CCNT2: variants seen among roughly 807,000 people sequenced by gnomAD.
CCNT2 encodes cyclin T2, also known as cyclin-T2.
In CCNT2, 18 loss-of-function variants were observed where a neutral mutation model predicts 70.0. The ratio of observed to expected loss-of-function variants is 0.26; its 90% CI spans 0.18 to 0.38. The LOEUF (loss-of-function observed/expected upper bound fraction) is 0.38, where lower values mean the gene tolerates loss of function less well. CCNT2 is among the 10% of genes least tolerant of loss of function. The pLI, the probability that CCNT2 is intolerant of heterozygous loss-of-function variation, is 1.00. For missense variants in CCNT2, 734 were observed against 890.2 expected, an observed-to-expected ratio of 0.82 and a Z score of 2.23; for synonymous variants, 334 against 313.3, an observed-to-expected ratio of 1.07 and a Z score of -0.70.
At chr2:134,942,826 A>G (rs1681671483) in intron 5 of CCNT2, 152 bp downstream of exon 5, 1 of 1,386,244 alleles carries the variant, frequency 7.2e-7, no homozygotes, top group Admixed American at 3.1e-5. Flanking sequence ...TTAGTGTTCT[A>G]CATCTACTTC....
intron 5 of CCNT2, chr2:134,945,120 C>T (rs534850643): frequency 2.0e-6 from 2 of 985,414 alleles, no homozygotes; most frequent in South Asian, 9.4e-5. Context: ...GACACTCTTC[C>T]TTAGCACAAC....
intron 2 of CCNT2, among the ~76,000 whole-genome samples, chr2:134,923,680 C>T (rs190877618): frequency 3.9e-5 from 6 of 152,210 alleles, no homozygotes; most frequent in African/African-American, 1.4e-4. Context: ...TAAGATCTCA[C>T]TATGCCAGGC....
rs1015699412 is a variant in CCNT2 at position 134,957,266 on chromosome 2, G to A, written c.*2618G>A. The A allele has an allele frequency of 6.6e-6, 1 of 152,150 alleles. No individual in the cohort carries two copies. The highest frequency in any genetic ancestry group is 1.5e-5 in the Non-Finnish European group (1 of 68,028). 9.4% of individuals were successfully genotyped at this position (152,150 alleles called of 1,614,324 possible). On this transcript the variant is annotated 3_prime_UTR_variant, in exon 9 of 9. Coordinates refer to ENST00000264157, the MANE Select transcript of CCNT2 (RefSeq NM_058241.3). ...GACATTATTACTGTGACTCTTGTAAGTAGCCATAAATAAACCAAAATAGTA... is the reference window on the plus strand; with the variant it reads ...GACATTATTACTGTGACTCTTGTAAATAGCCATAAATAAACCAAAATAGTA...
chr2:134,941,644 T>G (rs1386939888), intron 4 of CCNT2, among the ~76,000 whole-genome samples: 2 of 152,214 alleles, frequency 1.3e-5, no homozygotes, highest in Non-Finnish European at 2.9e-5. Flanking sequence ...TAGCATGTTA[T>G]TGTTTTACTA....
chr2:134,951,891 C>T (rs1467638907), intron 7 of CCNT2, among the ~76,000 whole-genome samples: 2 of 152,150 alleles, frequency 1.3e-5, no homozygotes, highest in African/African-American at 4.8e-5. Context: ...ATTTAGTTGA[C>T]ATGTCCCTTC....
intron 1 of CCNT2, among the ~76,000 whole-genome samples, chr2:134,919,244 G>A (rs71417541): frequency 6.6e-6 from 1 of 152,192 alleles, no homozygotes; most frequent in African/African-American, 2.4e-5. Context: ...TCTGTTTGGG[G>A]CAGCGCGTGG....
At chr2:134,944,791 A>G (rs1455715384) in intron 5 of CCNT2, 4 of 985,302 alleles carry the variant, frequency 4.1e-6, no homozygotes, top group Non-Finnish European at 4.8e-6. Flanking sequence ...TTTAGCTAAC[A>G]GCATTTCCCC....
Position 134,937,453 on chromosome 2 carries a change from T to C in CCNT2, c.369+484T>C, listed in dbSNP as rs563581351. Among the ~76,000 whole-genome samples, 4 of 152,360 alleles carry C rather than the reference T, an allele frequency of 2.6e-5. No homozygotes were observed. The South Asian group carries it at 8.3e-4, about 32-fold the overall frequency. On this transcript the variant is annotated intron_variant, in intron 3 of 8. Transcript: ENST00000264157. ...TGATACATAAAGCTGCATTTTATTT[T>C]GCTTTCATGAGCAGCATTTTTTTAG...
rs779637168 is a variant in CCNT2 at position 134,919,901 on chromosome 2, A to G, written c.240+10A>G. 2.5e-6 allele frequency: 4 copies of G among 1,588,976 alleles called. No homozygotes were observed. The highest frequency in any genetic ancestry group is 2.2e-5 in the East Asian group (1 of 44,582). ...CAAATTCAACAAAAATGTAAGTACT[A>G]GTTGTCTGTTTTTACTGTCCGCAAA... On this transcript the variant is annotated intron_variant, in intron 2 of 8. Transcript: ENST00000264157.
chr2:134,937,385 A>G (rs1307371824), intron 3 of CCNT2, among the ~76,000 whole-genome samples: 1 of 152,158 alleles, frequency 6.6e-6, no homozygotes, highest in Non-Finnish European at 1.5e-5. Context: ...GTCTTTTTAA[A>G]GTATTGTTCC....
intron 5 of CCNT2, chr2:134,944,942 T>C: frequency 1.0e-6 from 1 of 985,310 alleles, no homozygotes; most frequent in Non-Finnish European, 1.2e-6. Flanking sequence ...GGAAAATAAA[T>C]TTGATTTCTG....
At chr2:134,943,039 T>C (rs1681683794) in intron 5 of CCNT2, 1 of 985,300 alleles carries the variant, frequency 1.0e-6, no homozygotes, top group Non-Finnish European at 1.2e-6. Context: ...AAACTTTGAC[T>C]TTTTGAAAAG....
At chr2:134,935,720 A>G (rs1380474594) in intron 2 of CCNT2, among the ~76,000 whole-genome samples, 1 of 152,112 alleles carries the variant, frequency 6.6e-6, no homozygotes, top group Admixed American at 6.5e-5. Context: ...TTTGGGGTAC[A>G]TATTCAAACT....
Position 134,953,977 on chromosome 2 carries a change from C to T in CCNT2, c.1522C>T (p.Arg508Trp), listed in dbSNP as rs1477317229. ...KKEKSGSLKL[R>W]IPIPPTDKSA... The stretch of plus-strand genomic sequence containing the variant: ...GGAAAAGAGTGGGTCACTGAAATTA[C>T]GGATTCCAATACCACCCACTGATAA... The change falls in exon 9 of 9, where the codon CGG becomes TGG. Residue 508 changes from arginine to tryptophan, a missense_variant. Arg to Trp is a moderately radical substitution (Grantham distance 101). Around this residue, in one of 3 missense-constraint regions of CCNT2, gnomAD observed 532 missense variants for 556.9 expected, o/e 0.96. Transcript: ENST00000264157. 1.2e-5 allele frequency: 20 copies of T among 1,613,934 alleles called. No homozygotes were observed. The highest frequency in any genetic ancestry group is 1.4e-5 in the Non-Finnish European group (16 of 1,180,010).
In CCNT2 at chr2:134,958,121, T is replaced by C. The variant is rs1481718435; in HGVS notation, c.*3473T>C. On this transcript the variant is annotated 3_prime_UTR_variant, in exon 9 of 9. Transcript: ENST00000264157. ...CCACTGCTTATATCTGCATGAATAT[T>C]ATGCATTTCATGAGTACAGTTAGTT... 2 of 152,236 alleles carry C rather than the reference T, an allele frequency of 1.3e-5. No individual in the cohort carries two copies. The highest frequency in any genetic ancestry group is 2.4e-5 in the African/African-American group (1 of 41,466). 9.4% of individuals were successfully genotyped at this position (152,236 alleles called of 1,614,324 possible).
chr2:134,932,147 G>A (rs1454014954), intron 2 of CCNT2, among the ~76,000 whole-genome samples: 1 of 150,756 alleles, frequency 6.6e-6, no homozygotes, highest in Admixed American at 6.7e-5. Flanking sequence ...ACCATACCTG[G>A]CTAATTTTTT....
intron 5 of CCNT2, chr2:134,943,735 TCTTA>T (rs1681741822): frequency 3.0e-6 from 3 of 985,070 alleles, no homozygotes; most frequent in Admixed American, 6.1e-5. Context: ...TTGTTCTGCT[TCTTA>T]CTTCCACTTT....
intron 5 of CCNT2, chr2:134,945,626 C>G (rs1044177988): frequency 2.0e-6 from 2 of 985,080 alleles, no homozygotes; most frequent in Admixed American, 6.2e-5. Context: ...AGTTTGTGCT[C>G]TGTGTTTTGT....
At chr2:134,949,865 G>A (rs1461409011) in intron 7 of CCNT2, among the ~76,000 whole-genome samples, 5 of 151,280 alleles carry the variant, frequency 3.3e-5, no homozygotes, top group Non-Finnish European at 5.9e-5. Context: ...GCGCAATCTC[G>A]GCTCGCTGCA....
Sources: gnomAD v4.1 joint callset for allele counts (sites outside exome capture counted in the v4.1 genomes callset) on GRCh38, gnomAD v4.1.1 for gene constraint, gnomAD v4.1.1 regional missense constraint, MANE v1.5 for transcripts, NCBI Gene and HGNC (gene_info 2026-07-23, HGNC 2026-07-21) for gene names.